TBCD: variants seen among roughly 807,000 people sequenced by gnomAD.
TBCD encodes tubulin folding cofactor D.
A neutral mutation model predicts 169.3 loss-of-function variants in TBCD; 105 were observed. That is an observed-to-expected ratio of 0.62 (90% CI 0.53 to 0.73). The LOEUF is 0.73. TBCD is among the 30% of genes least tolerant of loss of function. The pLI is 0.00. For missense variants in TBCD, 1,444 were observed against 1,600.1 expected (o/e 0.90, Z 1.66); for synonymous variants, 700 against 643.9 (o/e 1.09, Z -1.32).
chr17:82,812,155 G>T (rs1314794658), intron 12 of TBCD, among the ~76,000 whole-genome samples: 7 of 152,240 alleles, frequency 4.6e-5, no homozygotes, highest in African/African-American at 1.4e-4. Context: ...CCTTGGAGAG[G>T]AGTGTGTCTG....
Position 82,909,268 on chromosome 17 carries a change from C to T in TBCD, c.1984-17C>T, listed in dbSNP as rs1326322424. 9 of 1,495,604 alleles carry T rather than the reference C, an allele frequency of 6.0e-6. No individual in the cohort carries two copies. The African/African-American group carries it at 6.9e-5, about 12-fold the overall frequency. 92.6% of individuals were successfully genotyped at this position (1,495,604 alleles called of 1,614,324 possible). ...AAAATTTAAATCATTAAATAACTTT[C>T]AGTTTTTTATTTTCAGCTCTATGAT... On this transcript the variant is annotated splice_polypyrimidine_tract_variant and intron_variant, in intron 21 of 38. Transcript: ENST00000355528.
intron 22 of TBCD, among the ~76,000 whole-genome samples, 165 bp from the exon 23 acceptor site, chr17:82,911,593 G>A (rs139383350): frequency 1.3e-5 from 2 of 152,326 alleles, no homozygotes; most frequent in East Asian, 3.9e-4. Context: ...GCTGTACCAC[G>A]TTTTTTCCTT....
chr17:82,920,420 T>C lies in TBCD; in HGVS notation c.2039-136T>C. On this transcript the variant is annotated intron_variant, in intron 23 of 38. Coordinates refer to ENST00000355528, the MANE Select transcript of TBCD (RefSeq NM_005993.5). This position sits in a 1 kb window ranked among gnomAD's most constrained non-coding sequence, Gnocchi z 4.1. ...AATGGTTCTGGGATGTTTCCAGCCCTGGCAGCAGGGTAGGTTGGGCGGGTG... is the reference window on the plus strand; with the variant it reads ...AATGGTTCTGGGATGTTTCCAGCCCCGGCAGCAGGGTAGGTTGGGCGGGTG... The C allele has an allele frequency of 1.4e-6, 1 of 723,434 alleles. No individual in the cohort carries two copies. The highest frequency in any genetic ancestry group is 2.3e-6 in the Non-Finnish European group (1 of 430,572). 44.8% of individuals were successfully genotyped at this position (723,434 alleles called of 1,614,324 possible). A position where few individuals can be genotyped will look rare whatever the true frequency, so the allele number is the denominator to read the frequency against.
intron 37 of TBCD, among the ~76,000 whole-genome samples, chr17:82,940,068 G>A (rs1341067202): frequency 6.6e-6 from 1 of 152,130 alleles, no homozygotes; most frequent in Non-Finnish European, 1.5e-5. Flanking sequence ...TTGAGTTGGG[G>A]GTGGGAGGGT....
chr17:82,908,907 T>G (rs1271227047), intron 21 of TBCD, among the ~76,000 whole-genome samples: 1 of 152,262 alleles, frequency 6.6e-6, no homozygotes, highest in African/African-American at 2.4e-5. Context: ...AACGTGGCTT[T>G]TAAGCTCTCT....
intron 17 of TBCD, among the ~76,000 whole-genome samples, chr17:82,897,170 C>T (rs757453517): frequency 1.3e-5 from 2 of 152,070 alleles, no homozygotes; most frequent in Non-Finnish European, 1.5e-5. Flanking sequence ...CCTCCTGCTC[C>T]GTGGCTTTCC....
At chr17:82,827,293 A>G (rs548297563) in intron 13 of TBCD, among the ~76,000 whole-genome samples, 9 of 152,346 alleles carry the variant, frequency 5.9e-5, no homozygotes, top group African/African-American at 1.9e-4. Flanking sequence ...AGCATTTCCC[A>G]GTCTCTGGAG....
intron 13 of TBCD, among the ~76,000 whole-genome samples, chr17:82,817,147 G>A (rs2051987368): frequency 6.6e-6 from 1 of 152,006 alleles, no homozygotes; most frequent in South Asian, 2.1e-4. Flanking sequence ...TCTATTGATT[G>A]ATTGACAGAG....
intron 9 of TBCD, among the ~76,000 whole-genome samples, chr17:82,802,227 A>G (rs906632793): frequency 1.3e-5 from 2 of 150,830 alleles, no homozygotes; most frequent in South Asian, 2.1e-4. Flanking sequence ...AGACTTTTCT[A>G]GTGTTCTTAG....
intron 13 of TBCD, among the ~76,000 whole-genome samples, chr17:82,829,124 C>T (rs1462712350): frequency 6.6e-6 from 1 of 150,774 alleles, no homozygotes; most frequent in African/African-American, 2.4e-5. Flanking sequence ...GATATGCACA[C>T]GTGCACACCC....
intron 13 of TBCD, among the ~76,000 whole-genome samples, chr17:82,840,923 T>G (rs1419693706): frequency 7.3e-6 from 1 of 136,906 alleles, no homozygotes; most frequent in Non-Finnish European, 1.5e-5. Flanking sequence ...GGCTGTGGCA[T>G]AGGGACGAGC....
intron 34 of TBCD, chr17:82,933,000 C>T: frequency 2.1e-6 from 1 of 487,790 alleles, no homozygotes; most frequent in Non-Finnish European, 3.7e-6. Context: ...TGTGCACTCT[C>T]CCCCCAGCTA....
intron 7 of TBCD, among the ~76,000 whole-genome samples, chr17:82,785,037 G>A (rs1033949985): frequency 2.8e-5 from 3 of 106,642 alleles, no homozygotes; most frequent in Non-Finnish European, 5.6e-5. Flanking sequence ...CCCACCCATC[G>A]CAGCGACAGG....
intron 38 of TBCD, 23 bp from the exon 39 acceptor site, chr17:82,942,426 A>C: frequency 6.2e-7 from 1 of 1,613,870 alleles, no homozygotes; most frequent in East Asian, 2.2e-5. Flanking sequence ...GACCAGCCTG[A>C]GCTTGTCTTG....
chr17:82,917,232 C>A (rs904342652), intron 23 of TBCD, among the ~76,000 whole-genome samples: 2 of 152,052 alleles, frequency 1.3e-5, no homozygotes, highest in African/African-American at 4.8e-5. Flanking sequence ...GTTGGCCAGG[C>A]TGGTCTCGAT....
intron 37 of TBCD, among the ~76,000 whole-genome samples, chr17:82,940,735 G>A (rs72861583): frequency 3.3e-5 from 5 of 152,046 alleles, no homozygotes; most frequent in Non-Finnish European, 7.4e-5. Context: ...CTGCTCTGGA[G>A]ACCCGTTTTT....
chr17:82,929,266 T>C lies in TBCD; in HGVS notation c.2847T>C (p.Phe949=), dbSNP rs764417557. 6.2e-6 allele frequency: 10 copies of C among 1,613,600 alleles called. No individual in the cohort carries two copies. Among genetic ancestry groups the C allele is most frequent in the Non-Finnish European group, 8.5e-6 (10 of 1,179,724 alleles). Residue 949 remains phenylalanine, a synonymous_variant, in exon 31 of 39, where the codon TTT becomes TTC. Coordinates refer to ENST00000355528, the MANE Select transcript of TBCD (RefSeq NM_005993.5). ...ACCGAGGAGAACTGGAAAAGCTGTT[T>C]CCCAGGTACTGTCGGGGTGTAGGCC... The part of the protein sequence containing the change: ...VPHRGELEKL[F]PRSDVASVNW...
rs373268793 is a variant in TBCD at position 82,827,687 on chromosome 17, CAGAT to C, written c.1318+12756_1318+12759del. 9.9e-5 allele frequency among the ~76,000 whole-genome samples: 15 copies of C among 152,278 alleles called. 1 individual carries two copies. The highest frequency in any genetic ancestry group is 3.4e-3 in the Middle Eastern group (1 of 294). On this transcript the variant is annotated intron_variant, in intron 13 of 38. Transcript: ENST00000355528. ...AATCGAATGTGCACAACTACCCCCA[CAGAT>C]AGCACACACCCACACAATCGAATGT...
At chr17:82,757,090 A>G (rs2047440281) in intron 2 of TBCD, among the ~76,000 whole-genome samples, 1 of 152,198 alleles carries the variant, frequency 6.6e-6, no homozygotes, top group South Asian at 2.1e-4. Context: ...TCACCTGGGA[A>G]AGAGGAAGGT....
Sources: allele counts gnomAD v4.1 joint callset (sites outside exome capture counted in the v4.1 genomes callset), GRCh38; gene constraint gnomAD v4.1.1; non-coding constraint Gnocchi (gnomAD v3.1); transcripts MANE v1.5; gene names NCBI Gene and HGNC (gene_info 2026-07-23, HGNC 2026-07-21).